The following RBFOX1 variants were observed in gnomAD, a reference collection of about 807,000 sequenced individuals.
RBFOX1 encodes RNA binding protein fox-1 homolog 1.
In RBFOX1, 8 loss-of-function variants were observed where a neutral mutation model predicts 57.7. The observed-to-expected ratio is 0.14, with a 90% confidence interval of 0.08 to 0.25. The LOEUF (loss-of-function observed/expected upper bound fraction) is 0.25. Ranked by LOEUF, RBFOX1 falls within the 10% of genes least tolerant of loss-of-function variation. RBFOX1 has a pLI of 1.00. For missense variants in RBFOX1, 611 were observed against 548.5 expected, an observed-to-expected ratio of 1.11 and a Z score of -1.14; for synonymous variants, 326 against 222.4, an observed-to-expected ratio of 1.47 and a Z score of -4.15.
intron 1 of RBFOX1, among the ~76,000 whole-genome samples, chr16:6,133,972 T>G (rs141140675): frequency 6.6e-6 from 1 of 152,202 alleles, no homozygotes; most frequent in Non-Finnish European, 1.5e-5. Flanking sequence ...AGTCTCATTC[T>G]GTCACCCAGG....
At chr16:6,228,778 G>T (rs983952300) in intron 1 of RBFOX1, among the ~76,000 whole-genome samples, 4 of 152,092 alleles carry the variant, frequency 2.6e-5, no homozygotes, top group African/African-American at 9.7e-5. Flanking sequence ...TGGTGCTCTT[G>T]AAAATCACCG....
intron 1 of RBFOX1, among the ~76,000 whole-genome samples, chr16:5,447,378 A>ATATC (rs1555521590): frequency 7.4e-6 from 1 of 134,360 alleles, no homozygotes; most frequent in Admixed American, 7.3e-5. Context: ...CAATCAATCA[A>ATATC]TCTCTCTCTC....
chr16:5,423,794 G>A (rs1258958816), intron 1 of RBFOX1, among the ~76,000 whole-genome samples: 1 of 152,046 alleles, frequency 6.6e-6, no homozygotes, highest in African/African-American at 2.4e-5. Context: ...GTTTCGTGTT[G>A]CATCCAACCT....
intron 1 of RBFOX1, among the ~76,000 whole-genome samples, chr16:6,221,496 T>C (rs1454718996): frequency 6.6e-6 from 1 of 152,226 alleles, no homozygotes; most frequent in Non-Finnish European, 1.5e-5. Context: ...AAAGACTGTA[T>C]TGTATAATTT....
chr16:6,966,893 C>A (rs8044525), intron 3 of RBFOX1, among the ~76,000 whole-genome samples: 1 of 149,484 alleles, frequency 6.7e-6, no homozygotes, highest in Non-Finnish European at 1.5e-5. Context: ...CTATTCATCT[C>A]TCCATCCATC....
intron 2 of RBFOX1, among the ~76,000 whole-genome samples, chr16:5,551,138 G>A (rs2045446724): frequency 6.6e-6 from 1 of 152,196 alleles, no homozygotes. Flanking sequence ...CTAACCTCTT[G>A]AGAGTTGAGG....
intron 4 of RBFOX1, among the ~76,000 whole-genome samples, chr16:5,967,796 T>C (rs2059877357): frequency 6.6e-6 from 1 of 152,158 alleles, no homozygotes; most frequent in South Asian, 2.1e-4. Context: ...AGAATTATAA[T>C]ACTCAGACTA....
chr16:6,700,167 A>G (rs536674268), intron 3 of RBFOX1, among the ~76,000 whole-genome samples: 2 of 150,496 alleles, frequency 1.3e-5, no homozygotes, highest in Non-Finnish European at 3.0e-5. Context: ...CATCAGAGCC[A>G]GAGTCGGGGG....
chr16:7,063,153 C>T (rs1259800478), intron 4 of RBFOX1, among the ~76,000 whole-genome samples: 1 of 151,886 alleles, frequency 6.6e-6, no homozygotes, highest in Non-Finnish European at 1.5e-5. Flanking sequence ...TGGTTTAGGG[C>T]ACACGCAGGG....
chr16:5,502,792 A>G (rs533938730), intron 2 of RBFOX1, among the ~76,000 whole-genome samples: 5 of 152,266 alleles, frequency 3.3e-5, no homozygotes, highest in African/African-American at 1.2e-4. Context: ...TTATCAGACC[A>G]TCTCCCGTCA....
intron 3 of RBFOX1, among the ~76,000 whole-genome samples, chr16:5,711,358 C>G (rs1007197562): frequency 2.0e-5 from 3 of 152,192 alleles, no homozygotes; most frequent in African/African-American, 7.2e-5. Flanking sequence ...AGTGGCAAAG[C>G]TTAGATCTAT....
intron 4 of RBFOX1, among the ~76,000 whole-genome samples, chr16:7,451,747 T>G (rs1183639081): frequency 6.9e-6 from 1 of 145,414 alleles, no homozygotes; most frequent in Admixed American, 7.3e-5. Flanking sequence ...AAAACATTTA[T>G]TTCTCATTTT....
intron 3 of RBFOX1, among the ~76,000 whole-genome samples, chr16:6,823,971 C>A (rs986551359): frequency 6.6e-6 from 1 of 152,158 alleles, no homozygotes; most frequent in Non-Finnish European, 1.5e-5. Flanking sequence ...TGGTCCAAAT[C>A]TTGAAGGATG....
chr16:7,687,874 C>T (rs79612605), intron 14 of RBFOX1, among the ~76,000 whole-genome samples: 3,707 of 152,024 alleles, frequency 0.024, 58 homozygotes, highest in Middle Eastern at 0.061. Context: ...ATGAGTTCTC[C>T]GTGCTGGCTG....
intron 4 of RBFOX1, among the ~76,000 whole-genome samples, chr16:7,259,928 T>C (rs994531753): frequency 2.6e-5 from 4 of 152,168 alleles, no homozygotes; most frequent in African/African-American, 9.7e-5. Context: ...TGCCTGCCAA[T>C]TTATACTGTC....
intron 2 of RBFOX1, among the ~76,000 whole-genome samples, chr16:5,586,512 C>T (rs1407292520): frequency 1.3e-5 from 2 of 152,110 alleles, no homozygotes; most frequent in Admixed American, 1.3e-4. Flanking sequence ...TTCATTCATT[C>T]GTTCAAGACA....
At chr16:6,483,721 A>T (rs2095413663) in intron 2 of RBFOX1, 1 of 1,416,658 alleles carries the variant, frequency 7.1e-7, no homozygotes, top group East Asian at 2.7e-5. Context: ...GAGTGTGCAA[A>T]TTGACATTTT....
intron 3 of RBFOX1, chr16:5,610,444 C>G (rs1179540440): frequency 6.6e-6 from 1 of 152,204 alleles, no homozygotes; most frequent in Non-Finnish European, 1.5e-5. Context: ...GGAAAGGGAA[C>G]AGGGACATGG....
intron 2 of RBFOX1, among the ~76,000 whole-genome samples, chr16:5,585,770 G>A (rs1175301737): frequency 1.3e-5 from 2 of 152,212 alleles, no homozygotes; most frequent in East Asian, 3.8e-4. Flanking sequence ...CATCACCTGG[G>A]TGGATTCAAG....
Sources: allele counts gnomAD v4.1 joint callset (sites outside exome capture counted in the v4.1 genomes callset), GRCh38; gene constraint gnomAD v4.1.1; transcripts MANE v1.5; gene names NCBI Gene and HGNC (gene_info 2026-07-23, HGNC 2026-07-21).